The following EPS8 variants were observed in gnomAD, a reference collection of about 807,000 sequenced individuals.
EPS8 encodes the protein EGFR pathway substrate 8, signaling adaptor.
Under a neutral mutation model 103.8 loss-of-function variants are expected in EPS8, and 42 were observed. That is an observed-to-expected ratio of 0.40 (90% CI 0.32 to 0.52). The LOEUF (loss-of-function observed/expected upper bound fraction) is 0.52, where lower values mean the gene tolerates loss of function less well. Ranked by LOEUF, EPS8 falls within the 20% of genes least tolerant of loss-of-function variation. The pLI is 0.40. For missense variants in EPS8, 969 were observed against 1,005.1 expected (o/e 0.96, Z 0.49); for synonymous variants, 344 against 344.6 (o/e 1.00, Z 0.02).
At chr12:15,708,367 C>A (rs1175796595) in intron 1 of EPS8, among the ~76,000 whole-genome samples, 1 of 152,116 alleles carries the variant, frequency 6.6e-6, no homozygotes, top group Non-Finnish European at 1.5e-5. Context: ...AGTTAAGGCT[C>A]AAAAATGTTA....
intron 1 of EPS8, among the ~76,000 whole-genome samples, chr12:15,766,219 T>G (rs1170306379): frequency 6.6e-6 from 1 of 151,562 alleles, no homozygotes; most frequent in Non-Finnish European, 1.5e-5. Context: ...GGCTCACACC[T>G]GTAATCCCAG....
chr12:15,694,005 T>A (rs1355569524), intron 1 of EPS8, among the ~76,000 whole-genome samples: 1 of 152,184 alleles, frequency 6.6e-6, no homozygotes, highest in Non-Finnish European at 1.5e-5. Flanking sequence ...GGAACACGTA[T>A]ACCTATGTAA....
chr12:15,733,162 G>C lies in EPS8; in HGVS notation c.-21-50190C>G, dbSNP rs1309296834. Reference sequence around the variant, plus strand: ...TACACAAGATTGGGTAATTTATAAAGGAAAGAGGTTTAATTGACTCACAGT... The same window carrying C: ...TACACAAGATTGGGTAATTTATAAACGAAAGAGGTTTAATTGACTCACAGT... On this transcript the variant is annotated intron_variant, in intron 1 of 20. Transcript: ENST00000281172. The surrounding 1 kb of genome is among the most constrained non-coding windows in gnomAD (Gnocchi z 4.8). Among the ~76,000 whole-genome samples, 1 of 152,146 alleles carries C rather than the reference G, an allele frequency of 6.6e-6. No homozygotes were observed. The highest frequency in any genetic ancestry group is 1.5e-5 in the Non-Finnish European group (1 of 68,022).
chr12:15,739,438 G>A (rs74063364), intron 1 of EPS8, among the ~76,000 whole-genome samples: 1 of 152,064 alleles, frequency 6.6e-6, no homozygotes, highest in Non-Finnish European at 1.5e-5. Context: ...GGTGGCCTGG[G>A]GAGGAGGATC....
chr12:15,655,782 C>T (rs1380225828), intron 12 of EPS8, among the ~76,000 whole-genome samples: 1 of 152,190 alleles, frequency 6.6e-6, no homozygotes, highest in East Asian at 1.9e-4. Flanking sequence ...TGTGCTGTGG[C>T]TACGCTCGTG....
chr12:15,724,515 C>G (rs948344527), intron 1 of EPS8, among the ~76,000 whole-genome samples: 3 of 152,124 alleles, frequency 2.0e-5, no homozygotes, highest in Non-Finnish European at 4.4e-5. Context: ...ACAGACATCT[C>G]AATATCTGTA....
intron 7 of EPS8, 61 bp downstream of exon 7, chr12:15,666,379 T>C (rs1021135151): frequency 1.6e-6 from 2 of 1,274,336 alleles, no homozygotes; most frequent in Non-Finnish European, 2.3e-6. Flanking sequence ...TCTAACTCTT[T>C]GGGGAAAAAA....
intron 15 of EPS8, among the ~76,000 whole-genome samples, chr12:15,646,511 A>T (rs532155904): frequency 1.6e-4 from 24 of 151,494 alleles, no homozygotes; most frequent in Admixed American, 3.3e-4. Context: ...ATTGGAAATT[A>T]AAAAAAAAGA....
At position 15,761,471 on chromosome 12, in the gene EPS8, A is replaced by G. The variant is rs11056634; in HGVS notation, c.-22+27690T>C. Among the ~76,000 whole-genome samples the G allele has an allele frequency of 0.019, 2,893 of 152,252 alleles. 44 individuals carry two copies. The highest frequency in any genetic ancestry group is 0.029 in the Non-Finnish European group (1,972 of 67,990). On this transcript the variant is annotated intron_variant, in intron 1 of 20. Transcript: ENST00000281172. This position sits in a 1 kb window ranked among gnomAD's most constrained non-coding sequence, Gnocchi z 4.5. The stretch of plus-strand genomic sequence containing the variant: ...TATGGACCCACAAAAGACCCAGTAT[A>G]CCCAAAGCTATCCTAATCAAAAAGA...
rs910266760 is a variant in EPS8 at position 15,638,567 on chromosome 12, C to T, written c.1821+2136G>A. On this transcript the variant is annotated intron_variant, in intron 17 of 20. Transcript: ENST00000281172. Reference sequence around the variant, plus strand: ...CACCACTACATTTGTAGTTGCAACCCGAATTTTTAAGAAGAGAGTAGGATA... The same window carrying T: ...CACCACTACATTTGTAGTTGCAACCTGAATTTTTAAGAAGAGAGTAGGATA... 3.9e-5 allele frequency among the ~76,000 whole-genome samples: 6 copies of T among 152,148 alleles called. No homozygotes were observed. In the South Asian group the frequency reaches 6.2e-4, roughly 16 times the overall value.
chr12:15,746,133 A>G (rs999337373), intron 1 of EPS8, among the ~76,000 whole-genome samples: 4 of 152,184 alleles, frequency 2.6e-5, no homozygotes, highest in South Asian at 2.1e-4. Context: ...TGATGCATCT[A>G]ATAGAGAACT....
chr12:15,786,948 A>T (rs1387008323), intron 1 of EPS8, among the ~76,000 whole-genome samples: 1 of 152,108 alleles, frequency 6.6e-6, no homozygotes, highest in Non-Finnish European at 1.5e-5. Context: ...AAAAGTTTGT[A>T]CCTTATCATT....
In EPS8 at chr12:15,697,571, G is replaced by A. The variant is rs1360973434; in HGVS notation, c.-21-14599C>T. ...TAATAACATGTTCACTGTCAAAGAG[G>A]TAATTAATAGTAGATGTGGGATAAA... On this transcript the variant is annotated intron_variant, in intron 1 of 20. Coordinates refer to ENST00000281172, the MANE Select transcript of EPS8 (RefSeq NM_004447.6). This position sits in a 1 kb window ranked among gnomAD's most constrained non-coding sequence, Gnocchi z 5.6. 2.6e-5 allele frequency among the ~76,000 whole-genome samples: 4 copies of A among 152,182 alleles called. No individual in the cohort carries two copies. Among genetic ancestry groups the A allele is most frequent in the African/African-American group, 9.7e-5 (4 of 41,446 alleles).
At position 15,690,455 on chromosome 12, in the gene EPS8, TGATA is replaced by T. The variant is rs1267894710; in HGVS notation, c.-21-7487_-21-7484del. On this transcript the variant is annotated intron_variant, in intron 1 of 20. Transcript: ENST00000281172. This position sits in a 1 kb window ranked among gnomAD's most constrained non-coding sequence, Gnocchi z 4.7. Reference sequence around the variant, plus strand: ...CCAAACTACTTCTCATATATTTTATTGATAGTCACTATTTCTTATCTCAACTTCC... The same window carrying T: ...CCAAACTACTTCTCATATATTTTATTGTCACTATTTCTTATCTCAACTTCC... Among the ~76,000 whole-genome samples the T allele has an allele frequency of 2.6e-5, 4 of 152,104 alleles. No individual in the cohort carries two copies. Among genetic ancestry groups the T allele is most frequent in the Non-Finnish European group, 4.4e-5 (3 of 68,016 alleles).
intron 12 of EPS8, among the ~76,000 whole-genome samples, chr12:15,655,012 C>T (rs1188249950): frequency 6.6e-6 from 1 of 152,124 alleles, no homozygotes; most frequent in African/African-American, 2.4e-5. Context: ...GTAGTTATCT[C>T]CTAGAGCAGA....
intron 4 of EPS8, 31 bp from the exon 5 acceptor site, chr12:15,669,856 T>A: frequency 1.9e-6 from 3 of 1,547,146 alleles, no homozygotes; most frequent in Non-Finnish European, 2.6e-6. Context: ...AAAAGATTTA[T>A]AACACATACA....
At chr12:15,737,978 T>C (rs567877492) in intron 1 of EPS8, among the ~76,000 whole-genome samples, 1 of 152,246 alleles carries the variant, frequency 6.6e-6, no homozygotes, top group East Asian at 1.9e-4. Flanking sequence ...GAGTAGCATT[T>C]TTCCACTTTT....
At chr12:15,719,352 G>T (rs1194523828) in intron 1 of EPS8, among the ~76,000 whole-genome samples, 1 of 152,112 alleles carries the variant, frequency 6.6e-6, no homozygotes, top group Non-Finnish European at 1.5e-5. Context: ...GCAAACAGTT[G>T]TTAAAATGAT....
At chr12:15,628,328 T>G (rs1339291098) in intron 18 of EPS8, among the ~76,000 whole-genome samples, 1 of 152,172 alleles carries the variant, frequency 6.6e-6, no homozygotes, top group Non-Finnish European at 1.5e-5. Context: ...TCATCACCAG[T>G]CCACAGCATA....
Sources: gnomAD v4.1 joint callset for allele counts (sites outside exome capture counted in the v4.1 genomes callset) on GRCh38, gnomAD v4.1.1 for gene constraint, Gnocchi (gnomAD v3.1) non-coding constraint, MANE v1.5 for transcripts, NCBI Gene and HGNC (gene_info 2026-07-23, HGNC 2026-07-21) for gene names.